GLRA2: variants seen among roughly 807,000 people sequenced by gnomAD.
GLRA2 encodes glycine receptor subunit alpha-2.
GLRA2 carries 11 observed loss-of-function variants against 31.6 expected under a neutral mutation model. That is an observed-to-expected ratio of 0.35 (90% CI 0.22 to 0.58). The LOEUF (loss-of-function observed/expected upper bound fraction) is 0.58. Among genes scored for constraint, GLRA2 ranks in the 20% least tolerant of loss-of-function variants. GLRA2 has a pLI of 0.84. For missense variants in GLRA2, 212 were observed against 351.8 expected, an observed-to-expected ratio of 0.60 and a Z score of 3.18; for synonymous variants, 132 against 134.0, an observed-to-expected ratio of 0.99 and a Z score of 0.10.
intron 8 of GLRA2, among the ~76,000 whole-genome samples, chrX:14,706,809 A>G (rs917745015): frequency 1.8e-5 from 2 of 112,234 alleles, no homozygotes; most frequent in African/African-American, 6.5e-5. Context: ...CATTGTAGTA[A>G]AACAATAATT....
Position 14,730,209 on chromosome X carries a change from A to G in GLRA2, c.1083A>G (p.Glu361=), listed in dbSNP as rs1360505066. Residue 361 remains glutamate (E), a splice_region_variant and synonymous_variant, in exon 9 of 9, where the codon GAA becomes GAG. Transcript: ENST00000218075. The stretch of plus-strand genomic sequence containing the variant: ...TTCCTCTGTCTTTATTCCGTCAGGA[A>G]GAAGACGTTACTCGTGAAAGTCGTT... ...LRRRQKRQNK[E]EDVTRESRFN... 2 of 1,196,197 alleles carry G rather than the reference A, an allele frequency of 1.7e-6. No homozygotes were observed. Among genetic ancestry groups the G allele is most frequent in the Non-Finnish European group, 2.3e-6 (2 of 881,686 alleles).
chrX:14,473,120 G>A, the GLRA2 span, among the ~76,000 whole-genome samples: 1 of 111,219 alleles, frequency 9.0e-6, no homozygotes, highest in African/African-American at 3.3e-5. Flanking sequence ...GAGATTGGGG[G>A]GAAAGTTGCG....
At chrX:14,598,340 C>T (rs1304885055) in intron 4 of GLRA2, among the ~76,000 whole-genome samples, 2 of 112,390 alleles carry the variant, frequency 1.8e-5, no homozygotes, top group African/African-American at 6.5e-5. Flanking sequence ...TGGTATTTTT[C>T]CCTCAAGAGT....
intron 2 of GLRA2, among the ~76,000 whole-genome samples, chrX:14,550,262 T>G (rs765049050): frequency 1.9e-5 from 2 of 103,525 alleles, no homozygotes; most frequent in African/African-American, 3.5e-5. Flanking sequence ...GAAAGGAGGT[T>G]TTTTTTTTTT....
At chrX:14,679,786 C>T (rs1321944610) in intron 7 of GLRA2, among the ~76,000 whole-genome samples, 2 of 111,971 alleles carry the variant, frequency 1.8e-5, no homozygotes, top group African/African-American at 6.5e-5. Flanking sequence ...TTAACCTCCC[C>T]GTATTCTACC....
chrX:14,528,848 T>C (rs1349366090), upstream of GLRA2, among the ~76,000 whole-genome samples: 3 of 111,713 alleles, frequency 2.7e-5, no homozygotes, highest in East Asian at 8.5e-4. Flanking sequence ...CTCATTTCCT[T>C]TTCTACAAAT....
At chrX:14,650,959 C>A (rs770286996) in intron 7 of GLRA2, among the ~76,000 whole-genome samples, 2 of 111,864 alleles carry the variant, frequency 1.8e-5, no homozygotes, top group Non-Finnish European at 3.8e-5. Context: ...TTTGTGAATT[C>A]TGATGCTGAA....
chrX:14,515,567 G>C, the GLRA2 span, among the ~76,000 whole-genome samples: 1 of 111,575 alleles, frequency 9.0e-6, no homozygotes, highest in Non-Finnish European at 1.9e-5. Context: ...ATTTGTCTCT[G>C]TCTGCTATTT....
intron 5 of GLRA2, among the ~76,000 whole-genome samples, chrX:14,605,871 C>T (rs990153372): frequency 1.8e-5 from 2 of 111,128 alleles, no homozygotes; most frequent in African/African-American, 6.5e-5. Context: ...CAGACAAGAA[C>T]GTGGGGTATT....
chrX:14,485,964 G>A, the GLRA2 span, among the ~76,000 whole-genome samples: 1 of 111,788 alleles, frequency 8.9e-6, no homozygotes, highest in Admixed American at 9.5e-5. Context: ...AACATTCTGA[G>A]TTTTACATAA....
intron 7 of GLRA2, among the ~76,000 whole-genome samples, chrX:14,658,126 T>C (rs1330827146): frequency 2.7e-5 from 3 of 111,367 alleles, no homozygotes; most frequent in Non-Finnish European, 5.7e-5. Flanking sequence ...TCCTGAGAAA[T>C]AACCACTTAT....
At chrX:14,506,136 A>G in the GLRA2 span, among the ~76,000 whole-genome samples, 1 of 111,359 alleles carries the variant, frequency 9.0e-6, no homozygotes, top group Non-Finnish European at 1.9e-5. Context: ...ACATAATTAA[A>G]TCATCATCTC....
the GLRA2 span, among the ~76,000 whole-genome samples, chrX:14,472,866 G>A: frequency 6.3e-5 from 7 of 111,164 alleles, no homozygotes; most frequent in Admixed American, 6.8e-4. Context: ...TGGTGGGAAT[G>A]CTAATATAAG....
At chrX:14,618,788 C>T (rs1257718147) in intron 7 of GLRA2, among the ~76,000 whole-genome samples, 1 of 111,467 alleles carries the variant, frequency 9.0e-6, no homozygotes, top group Admixed American at 9.5e-5. Flanking sequence ...AGAGATGAGG[C>T]CCCCGTTCCT....
intron 7 of GLRA2, among the ~76,000 whole-genome samples, chrX:14,690,207 T>C (rs1247131652): frequency 8.9e-6 from 1 of 112,121 alleles, no homozygotes; most frequent in Non-Finnish European, 1.9e-5. Context: ...ATTTAAAAAA[T>C]AGAAGTGAGC....
intron 3 of GLRA2, among the ~76,000 whole-genome samples, chrX:14,578,128 C>T (rs1348693241): frequency 8.9e-6 from 1 of 112,218 alleles, no homozygotes; most frequent in Non-Finnish European, 1.9e-5. Flanking sequence ...TCTTCCCTTA[C>T]ACTTCACTCT....
At chrX:14,637,295 A>G (rs182738253) in intron 7 of GLRA2, among the ~76,000 whole-genome samples, 1 of 112,097 alleles carries the variant, frequency 8.9e-6, no homozygotes, top group East Asian at 2.8e-4. Flanking sequence ...CTGACTTCCC[A>G]GTGTATCACC....
chrX:14,629,209 G>A (rs1379024995), intron 7 of GLRA2, among the ~76,000 whole-genome samples: 10 of 111,172 alleles, frequency 9.0e-5, no homozygotes, highest in Admixed American at 8.6e-4. Flanking sequence ...AAGGAATTGG[G>A]GCTTTGAGTA....
At chrX:14,549,766 A>T (rs1314757552) in intron 2 of GLRA2, among the ~76,000 whole-genome samples, 1 of 111,905 alleles carries the variant, frequency 8.9e-6, no homozygotes, top group African/African-American at 3.3e-5. Flanking sequence ...AAATGTAGGA[A>T]TAGTAGTCAT....
Sources: allele counts gnomAD v4.1 joint callset (sites outside exome capture counted in the v4.1 genomes callset), GRCh38; gene constraint gnomAD v4.1.1; transcripts MANE v1.5; gene names NCBI Gene and HGNC (gene_info 2026-07-23, HGNC 2026-07-21).